COMMD1: variants seen among roughly 807,000 people sequenced by gnomAD.
The protein encoded by COMMD1 is COMM domain-containing protein 1.
Under a neutral mutation model 17.2 loss-of-function variants are expected in COMMD1, and 10 were observed. The observed-to-expected ratio is 0.58, with a 90% CI of 0.36 to 0.99. The LOEUF (loss-of-function observed/expected upper bound fraction) is 0.99, where lower values mean the gene tolerates loss of function less well. Ranked by LOEUF, COMMD1 falls within the 50% of genes least tolerant of loss-of-function variation. The pLI, the probability that COMMD1 is intolerant of heterozygous loss-of-function variation, is 0.01. For synonymous variants in COMMD1, 97 were observed against 91.6 expected, an observed-to-expected ratio of 1.06 and a Z score of -0.34; for missense variants, 270 against 231.8, an observed-to-expected ratio of 1.17 and a Z score of -1.07.
intron 2 of COMMD1, among the ~76,000 whole-genome samples, chr2:62,093,389 A>C (rs1671898341): frequency 6.6e-6 from 1 of 152,178 alleles, no homozygotes; most frequent in Non-Finnish European, 1.5e-5. Flanking sequence ...TTGTTTTCCC[A>C]TGATACTATT....
chr2:62,095,985 C>G (rs114852532), intron 2 of COMMD1, among the ~76,000 whole-genome samples: 1 of 150,056 alleles, frequency 6.7e-6, no homozygotes, highest in Admixed American at 6.6e-5. Flanking sequence ...CACACACATG[C>G]TCGTGTATGT....
At chr2:62,112,016 G>A (rs2104047480) in intron 2 of COMMD1, among the ~76,000 whole-genome samples, 1 of 152,284 alleles carries the variant, frequency 6.6e-6, no homozygotes, top group Non-Finnish European at 1.5e-5. Flanking sequence ...TAATGTAGGT[G>A]AGGAAAATAC....
At chr2:61,962,877 T>G (rs1388871601) in intron 1 of COMMD1, among the ~76,000 whole-genome samples, 3 of 151,932 alleles carry the variant, frequency 2.0e-5, no homozygotes, top group Non-Finnish European at 2.9e-5. Flanking sequence ...AAACTATAAT[T>G]GGGCCGGGTG....
At chr2:62,080,802 T>A (rs1274779376) in intron 2 of COMMD1, among the ~76,000 whole-genome samples, 1 of 136,564 alleles carries the variant, frequency 7.3e-6, no homozygotes, top group South Asian at 2.3e-4. Context: ...TTTTTTTTTT[T>A]ACCAAAATTG....
In COMMD1 at chr2:62,027,649, ATG is replaced by A. The variant is rs1558568246; in HGVS notation, c.462+26669_462+26670del. On this transcript the variant is annotated intron_variant, in intron 2 of 2. Coordinates refer to ENST00000311832, the MANE Select transcript of COMMD1 (RefSeq NM_152516.4). The stretch of plus-strand genomic sequence containing the variant: ...ATGTTATGTTATGTTATGTTATGTT[ATG>A]TTATGTTGTGTTATGTTATGTTATG... Among the ~76,000 whole-genome samples the A allele has an allele frequency of 3.6e-4, 53 of 147,752 alleles. 2 individuals carry two copies. In the East Asian group the frequency reaches 9.3e-3, roughly 26 times the overall value.
chr2:61,930,639 G>A (rs1670441205), intron 1 of COMMD1, among the ~76,000 whole-genome samples: 1 of 151,838 alleles, frequency 6.6e-6, no homozygotes, highest in Admixed American at 6.6e-5. Flanking sequence ...GTGTGTGTGT[G>A]TGTGTGTGTG....
intron 2 of COMMD1, among the ~76,000 whole-genome samples, chr2:62,077,857 A>G (rs1671388794): frequency 6.6e-6 from 1 of 152,066 alleles, no homozygotes; most frequent in African/African-American, 2.4e-5. Context: ...GTACAGAAAG[A>G]TGGGACAACT....
At chr2:62,069,415 T>A (rs1331684812) in intron 2 of COMMD1, 3 of 152,178 alleles carry the variant, frequency 2.0e-5, no homozygotes, top group Non-Finnish European at 4.4e-5. Context: ...AAGTTAACAA[T>A]CTGATAGGAA....
At chr2:62,111,115 G>A (rs773894636) in intron 2 of COMMD1, among the ~76,000 whole-genome samples, 1 of 152,126 alleles carries the variant, frequency 6.6e-6, no homozygotes, top group Non-Finnish European at 1.5e-5. Context: ...TACGAATGGA[G>A]ATTTTCTTTA....
chr2:61,914,625 G>A (rs1670003698), intron 1 of COMMD1, among the ~76,000 whole-genome samples: 1 of 152,116 alleles, frequency 6.6e-6, no homozygotes, highest in Non-Finnish European at 1.5e-5. Context: ...AAGATTATAA[G>A]AAATAATTGT....
At chr2:61,921,717 A>G (rs1465847860) in intron 1 of COMMD1, among the ~76,000 whole-genome samples, 1 of 152,184 alleles carries the variant, frequency 6.6e-6, no homozygotes, top group Non-Finnish European at 1.5e-5. Flanking sequence ...TGCTGGGATT[A>G]CAGGCGTGAG....
chr2:62,062,984 C>T (rs1269665667), intron 2 of COMMD1, among the ~76,000 whole-genome samples: 3 of 151,774 alleles, frequency 2.0e-5, no homozygotes, highest in African/African-American at 7.3e-5. Flanking sequence ...TTTGGGAGGC[C>T]GAGGCGGGTG....
At chr2:61,893,476 A>G (rs1669482059) in intron 1 of COMMD1, among the ~76,000 whole-genome samples, 1 of 151,672 alleles carries the variant, frequency 6.6e-6, no homozygotes, top group African/African-American at 2.4e-5. Context: ...CAGGTTTTCT[A>G]TCGAAAAACA....
intron 2 of COMMD1, among the ~76,000 whole-genome samples, chr2:62,040,170 T>C (rs969166875): frequency 5.3e-5 from 8 of 152,190 alleles, no homozygotes; most frequent in Non-Finnish European, 1.2e-4. Context: ...GGAGGATTAC[T>C]TGAGCCTAGG....
At chr2:61,949,914 C>A (rs934612253) in intron 1 of COMMD1, among the ~76,000 whole-genome samples, 25 of 152,302 alleles carry the variant, frequency 1.6e-4, no homozygotes, top group Admixed American at 4.6e-4. Flanking sequence ...CATAGACCCA[C>A]TGGCAGGTAG....
chr2:61,905,494 A>T (rs1236467216), upstream of COMMD1, among the ~76,000 whole-genome samples: 2 of 152,220 alleles, frequency 1.3e-5, no homozygotes, highest in African/African-American at 4.8e-5. Context: ...ATTTCCGTGG[A>T]GGTATCCTAA....
chr2:62,006,950 A>G (rs1669137285), intron 2 of COMMD1, among the ~76,000 whole-genome samples: 1 of 152,100 alleles, frequency 6.6e-6, no homozygotes, highest in Non-Finnish European at 1.5e-5. Context: ...AAGATGTATT[A>G]GGTTTTCTTT....
intron 2 of COMMD1, among the ~76,000 whole-genome samples, chr2:62,127,029 C>G (rs1672904531): frequency 6.6e-6 from 1 of 152,146 alleles, no homozygotes; most frequent in African/African-American, 2.4e-5. Context: ...TCAGCAAAGT[C>G]TCAGGATACA....
At chr2:62,058,693 C>CGCACTCAGCCTAG (rs1452643625) in intron 2 of COMMD1, among the ~76,000 whole-genome samples, 4 of 151,884 alleles carry the variant, frequency 2.6e-5, no homozygotes, top group African/African-American at 4.8e-5. Flanking sequence ...GAGCCATTAT[C>CGCACTCAGCCTAG]GTGCTACTAC....
Sources: gnomAD v4.1 joint callset for allele counts (sites outside exome capture counted in the v4.1 genomes callset) on GRCh38, gnomAD v4.1.1 for gene constraint, MANE v1.5 for transcripts, NCBI Gene and HGNC (gene_info 2026-07-23, HGNC 2026-07-21) for gene names.